Variants in SYT16 observed in about 807,000 individuals in gnomAD.
SYT16 encodes synaptotagmin 16, also known as synaptotagmin-16.
Under a neutral mutation model 61.4 loss-of-function variants are expected in SYT16, and 42 were observed. That is an observed-to-expected ratio of 0.68 (90% confidence interval 0.53 to 0.89). The LOEUF (loss-of-function observed/expected upper bound fraction) is 0.89. Ranked by LOEUF, SYT16 falls within the 40% of genes least tolerant of loss-of-function variation. The pLI is 0.00. For missense variants in SYT16, 804 were observed against 807.3 expected (o/e 1.00, Z 0.05); for synonymous variants, 314 against 302.3 (o/e 1.04, Z -0.40).
Position 62,090,858 on chromosome 14 carries a change from CA to C in SYT16, c.1624+6477del, listed in dbSNP as rs537367009. 2.0e-5 allele frequency among the ~76,000 whole-genome samples: 3 copies of C among 152,190 alleles called. No individual in the cohort carries two copies. In the East Asian group the frequency reaches 5.8e-4, roughly 29 times the overall value. On this transcript the variant is annotated intron_variant, in intron 7 of 7. Coordinates refer to ENST00000683842, the MANE Select transcript of SYT16 (RefSeq NM_001367656.1). Reference sequence around the variant, plus strand: ...GAGGCCTCACAATCATGAAGGAAGGCAAAAGGCATGTCTTACATGGTGGCAT... The same window carrying C: ...GAGGCCTCACAATCATGAAGGAAGGCAAAGGCATGTCTTACATGGTGGCAT...
chr14:61,962,115 T>G (rs929866994), intron 1 of SYT16, among the ~76,000 whole-genome samples: 4 of 151,964 alleles, frequency 2.6e-5, no homozygotes, highest in Admixed American at 1.3e-4. Flanking sequence ...AGGGCCTACT[T>G]GAGGATGGAG....
intron 1 of SYT16, among the ~76,000 whole-genome samples, chr14:61,859,624 C>T (rs568551707): frequency 6.6e-6 from 1 of 151,844 alleles, no homozygotes; most frequent in African/African-American, 2.4e-5. Context: ...GTGTCTGTGT[C>T]CTAAATTTTC....
intron 3 of SYT16, among the ~76,000 whole-genome samples, chr14:62,065,108 C>T (rs1179104942): frequency 6.6e-6 from 1 of 152,172 alleles, no homozygotes; most frequent in Admixed American, 6.5e-5. Flanking sequence ...CTACCTTTAT[C>T]CATCACAAAG....
chr14:62,098,807 C>G (rs2057344858), intron 7 of SYT16, among the ~76,000 whole-genome samples: 1 of 152,120 alleles, frequency 6.6e-6, no homozygotes, highest in Non-Finnish European at 1.5e-5. Context: ...CAGGCTAAAA[C>G]TAGGTTTTAG....
At chr14:61,884,353 G>A (rs217689) in intron 1 of SYT16, among the ~76,000 whole-genome samples, 18,458 of 152,168 alleles carry the variant, frequency 0.12, 1,770 homozygotes, top group African/African-American at 0.26. Context: ...ATTAAAGATT[G>A]TTAGAAGTGA....
chr14:61,866,136 C>A (rs2047144428), intron 1 of SYT16, among the ~76,000 whole-genome samples: 1 of 151,688 alleles, frequency 6.6e-6, no homozygotes, highest in Admixed American at 6.6e-5. Context: ...ATAAAGGAAA[C>A]CACCTTTGTA....
At chr14:61,858,493 A>C (rs1478177237) in intron 1 of SYT16, among the ~76,000 whole-genome samples, 1 of 152,222 alleles carries the variant, frequency 6.6e-6, no homozygotes, top group African/African-American at 2.4e-5. Flanking sequence ...GAAAGCAGAG[A>C]CTATGACTAC....
intron 1 of SYT16, among the ~76,000 whole-genome samples, chr14:61,838,683 T>G (rs1370604712): frequency 1.3e-5 from 2 of 152,196 alleles, no homozygotes; most frequent in Non-Finnish European, 2.9e-5. Flanking sequence ...AAACTTCAAT[T>G]TATTACCCTG....
intron 1 of SYT16, among the ~76,000 whole-genome samples, chr14:61,960,026 C>A (rs1055354853): frequency 2.6e-5 from 4 of 152,038 alleles, no homozygotes; most frequent in African/African-American, 9.7e-5. Context: ...GAGATGGGGT[C>A]TCTCCATGTT....
rs189842071 is a variant in SYT16, at chr14:62,025,354, G to C, written c.523+28812G>C. On this transcript the variant is annotated intron_variant, in intron 3 of 7. Coordinates refer to ENST00000683842, the MANE Select transcript of SYT16 (RefSeq NM_001367656.1). Reference sequence around the variant, plus strand: ...TGTAGCCCCTGAATGATGTATGAGGGTGAGTGTATTTTCCTATGCTTATTT... The same window carrying C: ...TGTAGCCCCTGAATGATGTATGAGGCTGAGTGTATTTTCCTATGCTTATTT... Among the ~76,000 whole-genome samples the C allele has an allele frequency of 5.9e-5, 9 of 152,214 alleles. No individual in the cohort carries two copies. The East Asian group carries it at 1.7e-3, about 29-fold the overall frequency.
At chr14:62,002,745 C>T (rs1251624654) in intron 3 of SYT16, among the ~76,000 whole-genome samples, 2 of 152,090 alleles carry the variant, frequency 1.3e-5, no homozygotes, top group African/African-American at 2.4e-5. Flanking sequence ...CTGAAAGCAA[C>T]AGGATTTGCT....
rs776885501 is a variant in SYT16 at position 62,102,030 on chromosome 14, A to C, written c.*1323A>C. On this transcript the variant is annotated 3_prime_UTR_variant, in exon 8 of 8. Coordinates refer to ENST00000683842, the MANE Select transcript of SYT16 (RefSeq NM_001367656.1). ...GCATTAATAAAAAAATAGGGAAAGA[A>C]TGTATGTACATTTAATCCCTGCGCT... is the stretch of plus-strand genomic sequence containing the variant. 2.6e-5 allele frequency: 4 copies of C among 152,200 alleles called. No individual in the cohort carries two copies. Among genetic ancestry groups the C allele is most frequent in the Non-Finnish European group, 5.9e-5 (4 of 68,020 alleles). The allele number at this position is 152,200 out of a possible 1,614,324, so 9.4% of individuals were successfully genotyped here. A position where few individuals can be genotyped will look rare whatever the true frequency, so the allele number is the denominator to read the frequency against.
chr14:62,042,824 T>A lies in SYT16; in HGVS notation c.524-26779T>A, dbSNP rs535129375. On this transcript the variant is annotated intron_variant, in intron 3 of 7. Coordinates refer to ENST00000683842, the MANE Select transcript of SYT16 (RefSeq NM_001367656.1). ...TTAGGGAAACCACCCCAGCCTTGTC[T>A]TGAGTCCTCTTCTCTGAGCTGTGGC... 3.7e-4 allele frequency among the ~76,000 whole-genome samples: 57 copies of A among 152,322 alleles called. 1 individual carries two copies. In the South Asian group the frequency reaches 7.3e-3, roughly 19 times the overall value.
At chr14:61,912,591 A>C (rs536494991) in intron 1 of SYT16, among the ~76,000 whole-genome samples, 1 of 152,272 alleles carries the variant, frequency 6.6e-6, no homozygotes, top group South Asian at 2.1e-4. Flanking sequence ...AACCTGATTT[A>C]TTGTGTTGAG....
rs2048736992 is a variant in SYT16 at position 61,906,787 on chromosome 14, G to GTCCATCCGTCCATCCA, written c.-324-63338_-324-63337insGTCCATCCATCCATCC. Among the ~76,000 whole-genome samples, 4 of 142,432 alleles carry GTCCATCCGTCCATCCA rather than the reference G, an allele frequency of 2.8e-5. No individual in the cohort carries two copies. In the South Asian group the frequency reaches 9.5e-4, roughly 34 times the overall value. 93.4% of individuals were successfully genotyped at this position (142,432 alleles called of 152,430 possible). Reference sequence around the variant, plus strand: ...CGTCAATCCATCCATCCGTCCGTCCGTCCATCCATCCATCCATCCATCCAT... The same window carrying GTCCATCCGTCCATCCA: ...CGTCAATCCATCCATCCGTCCGTCCGTCCATCCGTCCATCCATCCATCCATCCATCCATCCATCCAT... On this transcript the variant is annotated intron_variant, in intron 1 of 7. Transcript: ENST00000683842.
chr14:61,833,679 G>A (rs2046017542), intron 1 of SYT16, among the ~76,000 whole-genome samples: 1 of 132,622 alleles, frequency 7.5e-6, no homozygotes, highest in South Asian at 2.3e-4. Flanking sequence ...TGGGATTACA[G>A]ACATTAGCCA....
At chr14:61,930,093 T>G (rs1175664668) in intron 1 of SYT16, among the ~76,000 whole-genome samples, 1 of 152,196 alleles carries the variant, frequency 6.6e-6, no homozygotes, top group Admixed American at 6.5e-5. Context: ...ATCTAGGGCT[T>G]CTAAACCTGT....
chr14:61,834,200 G>A (rs957131539), intron 1 of SYT16, among the ~76,000 whole-genome samples: 1 of 151,720 alleles, frequency 6.6e-6, no homozygotes, highest in African/African-American at 2.4e-5. Context: ...GTGCGATCTC[G>A]GCTCACTGTA....
At chr14:61,921,782 G>T (rs2049344097) in intron 1 of SYT16, among the ~76,000 whole-genome samples, 1 of 152,186 alleles carries the variant, frequency 6.6e-6, no homozygotes, top group Non-Finnish European at 1.5e-5. Context: ...TGGACAGGTA[G>T]CAGGCTGTCA....
Sources: allele counts gnomAD v4.1 joint callset (sites outside exome capture counted in the v4.1 genomes callset), GRCh38; gene constraint gnomAD v4.1.1; transcripts MANE v1.5; gene names NCBI Gene and HGNC (gene_info 2026-07-23, HGNC 2026-07-21).